The following CNKSR2 variants were observed in gnomAD, a reference collection of about 807,000 sequenced individuals.
CNKSR2 encodes connector enhancer of kinase suppressor of Ras 2.
In CNKSR2, 14 loss-of-function variants were observed where a neutral mutation model predicts 84.4. That is an observed-to-expected ratio of 0.17 (90% CI 0.11 to 0.26). CNKSR2 has a LOEUF of 0.26. Ranked by LOEUF, CNKSR2 falls within the 10% of genes least tolerant of loss-of-function variation. The probability of loss-of-function intolerance (pLI) is 1.00; values close to 1 mark genes in which losing one functional copy is unlikely to be tolerated. For synonymous variants in CNKSR2, 275 were observed against 277.9 expected, an observed-to-expected ratio of 0.99 and a Z score of 0.10; for missense variants, 485 against 771.2, an observed-to-expected ratio of 0.63 and a Z score of 4.40.
At chrX:21,476,457 T>G (rs2091261676) in intron 5 of CNKSR2, among the ~76,000 whole-genome samples, 1 of 111,837 alleles carries the variant, frequency 8.9e-6, no homozygotes, top group Non-Finnish European at 1.9e-5. Flanking sequence ...GATGATTTTA[T>G]AGTACATATA....
At position 21,380,019 on chromosome X, in the gene CNKSR2, G is replaced by C. The variant is rs752357984; in HGVS notation, c.64+5058G>C. On this transcript the variant is annotated intron_variant, in intron 1 of 21. Coordinates refer to ENST00000379510, the MANE Select transcript of CNKSR2 (RefSeq NM_014927.5). ...TTAACTAAAGGGGGGTTGTATATAG[G>C]TTTGTCTGGATGAAGGAGAGAGGTG... 6.3e-5 allele frequency among the ~76,000 whole-genome samples: 7 copies of C among 111,308 alleles called. No homozygotes were observed. In the South Asian group the frequency reaches 2.7e-3, roughly 43 times the overall value.
intron 4 of CNKSR2, among the ~76,000 whole-genome samples, chrX:21,447,765 G>T (rs2090874130): frequency 8.9e-6 from 1 of 111,737 alleles, no homozygotes; most frequent in Non-Finnish European, 1.9e-5. Context: ...AGTGTTTGTT[G>T]AAAGAATGAT....
intron 11 of CNKSR2, among the ~76,000 whole-genome samples, chrX:21,559,577 T>C (rs1243945035): frequency 9.0e-6 from 1 of 111,581 alleles, no homozygotes; most frequent in East Asian, 2.8e-4. Context: ...ATGCATGTGC[T>C]CCCTGCAGGG....
chrX:21,472,302 G>A (rs942496920), intron 5 of CNKSR2, among the ~76,000 whole-genome samples: 4 of 111,862 alleles, frequency 3.6e-5, no homozygotes, highest in Non-Finnish European at 5.6e-5. Context: ...ATTCGACTTT[G>A]GTATGCTGCT....
At chrX:21,394,264 G>A (rs1360693626) in intron 1 of CNKSR2, among the ~76,000 whole-genome samples, 1 of 111,536 alleles carries the variant, frequency 9.0e-6, no homozygotes, top group African/African-American at 3.3e-5. Flanking sequence ...AAGTATTCCA[G>A]TTTAGAAATA....
intron 1 of CNKSR2, among the ~76,000 whole-genome samples, chrX:21,383,869 T>C (rs1389572001): frequency 2.7e-5 from 3 of 111,871 alleles, no homozygotes; most frequent in African/African-American, 9.7e-5. Flanking sequence ...TCTAGTAACT[T>C]GTTAGTTATA....
At chrX:21,517,391 ATGTACCT>A (rs1443811321) in intron 9 of CNKSR2, among the ~76,000 whole-genome samples, 1 of 110,352 alleles carries the variant, frequency 9.1e-6, no homozygotes, top group African/African-American at 3.3e-5. Flanking sequence ...TTAAAAAAAA[ATGTACCT>A]TGTACATTCC....
intron 5 of CNKSR2, among the ~76,000 whole-genome samples, chrX:21,483,927 A>G (rs921627307): frequency 4.5e-5 from 5 of 111,922 alleles, no homozygotes; most frequent in African/African-American, 1.3e-4. Flanking sequence ...TGCACATGTC[A>G]TCCTACATTG....
chrX:21,512,066 C>T (rs757836951), intron 8 of CNKSR2, among the ~76,000 whole-genome samples: 5 of 111,833 alleles, frequency 4.5e-5, no homozygotes, highest in Non-Finnish European at 7.5e-5. Context: ...ACAGACTGTG[C>T]TGCATTCACT....
At chrX:21,455,815 A>G (rs1057396594) in intron 4 of CNKSR2, among the ~76,000 whole-genome samples, 14 of 112,271 alleles carry the variant, frequency 1.2e-4, no homozygotes, top group African/African-American at 4.5e-4. Flanking sequence ...TAGTAAGAAC[A>G]AACTATGTTT....
intron 1 of CNKSR2, among the ~76,000 whole-genome samples, chrX:21,375,529 G>T (rs185843545): frequency 8.9e-6 from 1 of 112,221 alleles, no homozygotes; most frequent in East Asian, 2.8e-4. Context: ...GATGCCCAGG[G>T]TGGGGGTATG....
intron 4 of CNKSR2, among the ~76,000 whole-genome samples, chrX:21,460,366 T>G (rs976831932): frequency 1.8e-5 from 2 of 112,056 alleles, no homozygotes; most frequent in African/African-American, 6.5e-5. Flanking sequence ...ATGTTTAACT[T>G]TTCCTTCTCC....
At position 21,470,769 on chromosome X, in the gene CNKSR2, T is replaced by A. The variant is rs778962065; in HGVS notation, c.523T>A (p.Cys175Ser). 1 of 1,001,061 alleles carries A rather than the reference T, an allele frequency of 1.0e-6. No homozygotes were observed. The highest frequency in any genetic ancestry group is 2.4e-5 in the South Asian group (1 of 41,354). 82.5% of individuals were successfully genotyped at this position (1,001,061 alleles called of 1,213,427 possible). A position where few individuals can be genotyped will look rare whatever the true frequency, so the allele number is the denominator to read the frequency against. Residue 175 changes from cysteine to serine, a missense_variant, in exon 5 of 22, where the codon TGT becomes AGT. Coordinates refer to ENST00000379510, the MANE Select transcript of CNKSR2 (RefSeq NM_014927.5). ...GTATATGGTTCTTTTTTTTCAGGAT[T>A]GTACTGTATATGAAACAGAGAATAA... is the stretch of plus-strand genomic sequence containing the variant. ...LELTTIVQQD[C>S]TVYETENKIL...
intron 4 of CNKSR2, among the ~76,000 whole-genome samples, chrX:21,453,819 C>T (rs2090965354): frequency 9.0e-6 from 1 of 111,299 alleles, no homozygotes; most frequent in African/African-American, 3.3e-5. Flanking sequence ...GCAGGCACAT[C>T]TTACATGGCC....
At position 21,564,298 on chromosome X, in the gene CNKSR2, C is replaced by T. The variant is rs746811238; in HGVS notation, c.1608+846C>T. Among the ~76,000 whole-genome samples the T allele has an allele frequency of 5.4e-5, 6 of 111,371 alleles. No individual in the cohort carries two copies. The East Asian group carries it at 1.7e-3, about 31-fold the overall frequency. On this transcript the variant is annotated intron_variant, in intron 13 of 21. Transcript: ENST00000379510. ...TGAATAATTTTGAACTGGGAACTTG[C>T]GTGATCAAATCGGCCTATTGGATCT...
chrX:21,517,865 T>C (rs146366345), intron 9 of CNKSR2, among the ~76,000 whole-genome samples: 3,814 of 111,705 alleles, frequency 0.034, 80 homozygotes, highest in Non-Finnish European at 0.049. Context: ...TTCATAGATT[T>C]TTTTTCCTAA....
chrX:21,575,814 G>A (rs2092315718), intron 13 of CNKSR2, among the ~76,000 whole-genome samples: 1 of 111,973 alleles, frequency 8.9e-6, no homozygotes, highest in Non-Finnish European at 1.9e-5. Context: ...TCTTCTCAAG[G>A]CAGAAACCGT....
chrX:21,472,356 A>C (rs966377938), intron 5 of CNKSR2, among the ~76,000 whole-genome samples: 2 of 111,920 alleles, frequency 1.8e-5, no homozygotes, highest in Non-Finnish European at 3.8e-5. Flanking sequence ...TATTGAGGTC[A>C]GTGTGTGTTA....
chrX:21,563,137 T>C (rs2092207186), intron 12 of CNKSR2, 101 bp from the exon 13 acceptor site: 3 of 606,103 alleles, frequency 4.9e-6, no homozygotes, highest in Non-Finnish European at 7.4e-6. Context: ...TGGGAAAAAC[T>C]GCAATTACTT....
Sources: gnomAD v4.1 joint callset for allele counts (sites outside exome capture counted in the v4.1 genomes callset) on GRCh38, gnomAD v4.1.1 for gene constraint, MANE v1.5 for transcripts, NCBI Gene and HGNC (gene_info 2026-07-23, HGNC 2026-07-21) for gene names.